Variants in RBM47 observed in about 807,000 individuals in gnomAD.
RBM47 encodes RNA-binding protein 47.
Under a neutral mutation model 47.1 loss-of-function variants are expected in RBM47, and 21 were observed. That is an observed-to-expected ratio of 0.45 (90% CI 0.32 to 0.64). The LOEUF is 0.64. Among genes scored for constraint, RBM47 ranks in the 30% least tolerant of loss-of-function variants. The pLI, the probability that RBM47 is intolerant of heterozygous loss-of-function variation, is 0.05. For synonymous variants in RBM47, 375 were observed against 361.7 expected, an observed-to-expected ratio of 1.04 and a Z score of -0.42; for missense variants, 708 against 870.9, an observed-to-expected ratio of 0.81 and a Z score of 2.35.
chr4:40,511,283 G>A (rs1330625988), intron 2 of RBM47, among the ~76,000 whole-genome samples: 3 of 152,150 alleles, frequency 2.0e-5, no homozygotes, highest in Non-Finnish European at 2.9e-5. Context: ...CTGCCTCTTA[G>A]GCATTATGGC....
At chr4:40,569,000 T>TAG (rs997423163) in intron 1 of RBM47, among the ~76,000 whole-genome samples, 1 of 144,792 alleles carries the variant, frequency 6.9e-6, no homozygotes, top group Non-Finnish European at 1.5e-5. Flanking sequence ...GATAGATAGA[T>TAG]AGATAGATAG....
At chr4:40,534,664 G>A (rs928990396) in intron 2 of RBM47, among the ~76,000 whole-genome samples, 8 of 152,082 alleles carry the variant, frequency 5.3e-5, no homozygotes, top group African/African-American at 1.2e-4. Context: ...GCCGGGTGCG[G>A]TGGCTCACGC....
At chr4:40,512,509 A>C (rs1725071596) in intron 2 of RBM47, among the ~76,000 whole-genome samples, 2 of 151,110 alleles carry the variant, frequency 1.3e-5, no homozygotes, top group African/African-American at 4.9e-5. Flanking sequence ...TGAGGTCAGG[A>C]GTTCAAGACC....
intron 1 of RBM47, among the ~76,000 whole-genome samples, chr4:40,571,006 A>T (rs1213120875): frequency 6.6e-6 from 1 of 152,052 alleles, no homozygotes; most frequent in Non-Finnish European, 1.5e-5. Context: ...ACCTGAGGTC[A>T]GGAGTTCCAG....
intron 1 of RBM47, among the ~76,000 whole-genome samples, chr4:40,624,094 T>C (rs1737513890): frequency 6.6e-6 from 1 of 152,206 alleles, no homozygotes; most frequent in African/African-American, 2.4e-5. Context: ...TCAAGTGATC[T>C]GCATGCCTTG....
intron 1 of RBM47, among the ~76,000 whole-genome samples, chr4:40,593,204 T>C (rs1197550756): frequency 3.1e-4 from 46 of 150,140 alleles, no homozygotes; most frequent in Middle Eastern, 3.4e-3. Flanking sequence ...TTCACCGTGT[T>C]AGCCAGAAGG....
In RBM47 at chr4:40,457,494, T is replaced by C. The variant is rs1039877811; in HGVS notation, c.-32+9083A>G. ...AAAAGGCTGTTTACTCAGGGTGGAA[T>C]GTAGTGACACGATCTCAGCTCACTG... is the stretch of plus-strand genomic sequence containing the variant. On this transcript the variant is annotated intron_variant, in intron 3 of 6. Coordinates refer to ENST00000295971, the MANE Select transcript of RBM47 (RefSeq NM_001098634.2). 3.3e-5 allele frequency among the ~76,000 whole-genome samples: 5 copies of C among 151,854 alleles called. 1 individual carries two copies. In the South Asian group the frequency reaches 1.0e-3, roughly 32 times the overall value.
Position 40,602,910 on chromosome 4 carries a change from G to A in RBM47, c.-240+26486C>T, listed in dbSNP as rs186135600. On this transcript the variant is annotated intron_variant, in intron 1 of 6. Transcript: ENST00000295971. Reference sequence around the variant, plus strand: ...CAAGTTAAGAGAGTACCCCAGGCCAGGTGTGATGGTCCACCATGCCTGTAA... The same window carrying A: ...CAAGTTAAGAGAGTACCCCAGGCCAAGTGTGATGGTCCACCATGCCTGTAA... 1.4e-4 allele frequency among the ~76,000 whole-genome samples: 22 copies of A among 151,912 alleles called. No individual in the cohort carries two copies. The East Asian group carries it at 3.9e-3, about 27-fold the overall frequency.
At chr4:40,624,868 T>C (rs1737589429) in intron 1 of RBM47, among the ~76,000 whole-genome samples, 2 of 129,560 alleles carry the variant, frequency 1.5e-5, no homozygotes, top group Admixed American at 8.2e-5. Flanking sequence ...TTCTTTTTTT[T>C]TTTTTTTTTT....
intron 3 of RBM47, among the ~76,000 whole-genome samples, chr4:40,456,773 T>G (rs1716336503): frequency 6.6e-6 from 1 of 151,708 alleles, no homozygotes; most frequent in Non-Finnish European, 1.5e-5. Flanking sequence ...AATTTTTTAT[T>G]TTTTTGTAGA....
chr4:40,482,530 A>G lies in RBM47; in HGVS notation c.-154-15831T>C, dbSNP rs554113595. 4.6e-5 allele frequency among the ~76,000 whole-genome samples: 7 copies of G among 152,306 alleles called. No individual in the cohort carries two copies. The South Asian group carries it at 1.4e-3, about 32-fold the overall frequency. Reference sequence around the variant, plus strand: ...CTGCTTTCCAAAGTGCCGGGATTACAGGTGTAAGCACCTGGCCTAGCCTGC... The same window carrying G: ...CTGCTTTCCAAAGTGCCGGGATTACGGGTGTAAGCACCTGGCCTAGCCTGC... On this transcript the variant is annotated intron_variant, in intron 2 of 6. Coordinates refer to ENST00000295971, the MANE Select transcript of RBM47 (RefSeq NM_001098634.2).
At chr4:40,432,979 G>A in intron 5 of RBM47, 117 bp from the exon 6 acceptor site, 1 of 1,392,502 alleles carries the variant, frequency 7.2e-7, no homozygotes, top group Non-Finnish European at 9.4e-7. Flanking sequence ...TCTTTTTTTT[G>A]AGACAGGGTC....
chr4:40,430,441 G>A (rs548540759), intron 6 of RBM47, among the ~76,000 whole-genome samples: 5 of 152,272 alleles, frequency 3.3e-5, no homozygotes, highest in South Asian at 2.1e-4. Context: ...CTGCTGCTAC[G>A]CTATAGTAAA....
chr4:40,581,728 G>A (rs1016954682), intron 1 of RBM47, among the ~76,000 whole-genome samples: 2 of 151,712 alleles, frequency 1.3e-5, no homozygotes, highest in Non-Finnish European at 2.9e-5. Context: ...TTCAGGGTGT[G>A]TGTGAAGAGA....
chr4:40,617,866 G>A (rs1388164645), intron 1 of RBM47, among the ~76,000 whole-genome samples: 1 of 150,772 alleles, frequency 6.6e-6, no homozygotes, highest in South Asian at 2.1e-4. Flanking sequence ...TGTCATTTGT[G>A]GTATAAAAGT....
chr4:40,531,602 C>A (rs28736581), intron 2 of RBM47, among the ~76,000 whole-genome samples: 9 of 152,106 alleles, frequency 5.9e-5, no homozygotes, highest in African/African-American at 2.2e-4. Flanking sequence ...AATGGACATG[C>A]GCTCAGATAC....
At chr4:40,436,002 CAAA>C (rs11452583) in intron 5 of RBM47, among the ~76,000 whole-genome samples, 2 of 111,370 alleles carry the variant, frequency 1.8e-5, no homozygotes, top group East Asian at 2.6e-4. Context: ...ACTAAAAATA[CAAA>C]AAAAAAAAAA....
At chr4:40,592,967 A>G (rs1398845684) in intron 1 of RBM47, among the ~76,000 whole-genome samples, 18 of 16,832 alleles carry the variant, frequency 1.1e-3, no homozygotes, top group South Asian at 2.6e-3. Flanking sequence ...ATATATATAT[A>G]TATATATATA....
At chr4:40,508,988 C>T (rs1457075633) in intron 2 of RBM47, among the ~76,000 whole-genome samples, 1 of 152,022 alleles carries the variant, frequency 6.6e-6, no homozygotes, top group East Asian at 1.9e-4. Flanking sequence ...TGGTGAAACC[C>T]TGTCTCTACT....
Sources: allele counts gnomAD v4.1 joint callset (sites outside exome capture counted in the v4.1 genomes callset), GRCh38; gene constraint gnomAD v4.1.1; transcripts MANE v1.5; gene names NCBI Gene and HGNC (gene_info 2026-07-23, HGNC 2026-07-21).